Variants in OCA2 observed in about 807,000 individuals in gnomAD.
OCA2 encodes the protein P protein.
OCA2 carries 77 observed loss-of-function variants against 100.2 expected under a neutral mutation model. That is an observed-to-expected ratio of 0.77 (90% confidence interval 0.64 to 0.93). OCA2 has a LOEUF of 0.93. OCA2 is among the 40% of genes least tolerant of loss of function. The pLI is 0.00. For missense variants in OCA2, 1,062 were observed against 1,089.1 expected (o/e 0.98, Z 0.35); for synonymous variants, 432 against 439.2 (o/e 0.98, Z 0.21).
intron 9 of OCA2, among the ~76,000 whole-genome samples, chr15:27,997,163 G>GA (rs1566776331): frequency 1.6e-4 from 22 of 140,456 alleles, no homozygotes; most frequent in African/African-American, 3.7e-4. Context: ...AGAAAGAAAG[G>GA]AAGGAAGGAA....
chr15:27,968,934 C>T (rs2040673167), intron 14 of OCA2, among the ~76,000 whole-genome samples: 1 of 149,170 alleles, frequency 6.7e-6, no homozygotes, highest in Non-Finnish European at 1.5e-5. Flanking sequence ...AAAAGATCCA[C>T]GATACTTTTA....
At chr15:27,893,109 C>A in intron 19 of OCA2, among the ~76,000 whole-genome samples, 1 of 152,170 alleles carries the variant, frequency 6.6e-6, no homozygotes, top group South Asian at 2.1e-4. Context: ...GGTTTTATTG[C>A]AGGAAGTCAG....
chr15:28,021,193 C>T (rs1316412819), intron 6 of OCA2, among the ~76,000 whole-genome samples: 2 of 152,196 alleles, frequency 1.3e-5, no homozygotes, highest in Non-Finnish European at 1.5e-5. Context: ...CAGGACCCTC[C>T]ACGGATGCCC....
intron 19 of OCA2, among the ~76,000 whole-genome samples, chr15:27,923,232 T>C (rs1048473867): frequency 2.0e-5 from 3 of 152,252 alleles, no homozygotes; most frequent in Non-Finnish European, 4.4e-5. Flanking sequence ...TTATCCACTT[T>C]TCTTTATCCA....
chr15:27,815,002 G>A (rs2034242258), intron 23 of OCA2, among the ~76,000 whole-genome samples: 1 of 151,846 alleles, frequency 6.6e-6, no homozygotes, highest in South Asian at 2.1e-4. Flanking sequence ...TTTACCCCAA[G>A]GAAAATAAGG....
chr15:28,068,833 A>C (rs1295612024), intron 2 of OCA2, among the ~76,000 whole-genome samples: 3 of 152,258 alleles, frequency 2.0e-5, no homozygotes, highest in Non-Finnish European at 4.4e-5. Context: ...CAGAATCAAA[A>C]GCAAAACTGT....
chr15:28,051,396 A>C (rs935555351), intron 2 of OCA2, among the ~76,000 whole-genome samples: 70 of 151,954 alleles, frequency 4.6e-4, no homozygotes, highest in African/African-American at 1.6e-3. Flanking sequence ...AGGTTCAAGC[A>C]ATTCTCCTGC....
In OCA2 at chr15:27,843,890, A is replaced by G. The variant is rs546099084; in HGVS notation, c.2432+1069T>C. ...GCAGGGATCGCTGTCTCCACTGGCT[A>G]CAGGGTTCTCTGCCACTCAACCAAA... On this transcript the variant is annotated intron_variant, in intron 23 of 23. Coordinates refer to ENST00000354638, the MANE Select transcript of OCA2 (RefSeq NM_000275.3). Among the ~76,000 whole-genome samples, 3 of 152,258 alleles carry G rather than the reference A, an allele frequency of 2.0e-5. No individual in the cohort carries two copies. In the East Asian group the frequency reaches 5.8e-4, roughly 29 times the overall value.
intron 18 of OCA2, among the ~76,000 whole-genome samples, chr15:27,934,184 G>T (rs560418815): frequency 4.9e-5 from 7 of 143,302 alleles, no homozygotes; most frequent in African/African-American, 1.7e-4. Flanking sequence ...GGAAGATGGG[G>T]TTGGGAAGGA....
chr15:27,885,551 T>C (rs2037188297), intron 19 of OCA2, among the ~76,000 whole-genome samples: 1 of 152,216 alleles, frequency 6.6e-6, no homozygotes, highest in Non-Finnish European at 1.5e-5. Flanking sequence ...AGAAATCTGA[T>C]TAAATATCCT....
At chr15:27,841,685 C>T (rs1267752600) in intron 23 of OCA2, among the ~76,000 whole-genome samples, 1 of 152,088 alleles carries the variant, frequency 6.6e-6, no homozygotes, top group Non-Finnish European at 1.5e-5. Context: ...TCTGTAGATG[C>T]AAGAGAGCTT....
At chr15:27,833,260 C>G (rs2035030679) in intron 23 of OCA2, among the ~76,000 whole-genome samples, 1 of 152,246 alleles carries the variant, frequency 6.6e-6, no homozygotes, top group Admixed American at 6.5e-5. Context: ...TTAGGCCAAG[C>G]TTCCTTTACT....
At chr15:28,068,835 CA>C (rs1378873209) in intron 2 of OCA2, among the ~76,000 whole-genome samples, 1 of 152,156 alleles carries the variant, frequency 6.6e-6, no homozygotes, top group African/African-American at 2.4e-5. Flanking sequence ...GAATCAAAAG[CA>C]AAACTGTATG....
chr15:27,778,484 T>G (rs138640971), intron 23 of OCA2, among the ~76,000 whole-genome samples: 1,595 of 152,312 alleles, frequency 0.01, 16 homozygotes, highest in Non-Finnish European at 0.016. Flanking sequence ...CCCCTTTCCT[T>G]GCACATGGTT....
At chr15:28,034,687 T>C (rs2042998406) in intron 2 of OCA2, among the ~76,000 whole-genome samples, 1 of 152,006 alleles carries the variant, frequency 6.6e-6, no homozygotes, top group Non-Finnish European at 1.5e-5. Flanking sequence ...GTGGAAGGAT[T>C]GATTGCTTGA....
At chr15:28,044,072 C>T (rs2043278628) in intron 2 of OCA2, among the ~76,000 whole-genome samples, 1 of 152,152 alleles carries the variant, frequency 6.6e-6, no homozygotes, top group Admixed American at 6.6e-5. Flanking sequence ...TCCATTTTGC[C>T]AGAGTAGACA....
intron 2 of OCA2, 57 bp downstream of exon 2, chr15:28,081,591 T>C: frequency 2.6e-6 from 4 of 1,539,906 alleles, no homozygotes; most frequent in Non-Finnish European, 3.6e-6. Context: ...ACGATGCTCA[T>C]GGAAACCCAA....
chr15:28,011,966 C>A (rs1467254148), intron 9 of OCA2, among the ~76,000 whole-genome samples: 2 of 149,240 alleles, frequency 1.3e-5, no homozygotes, highest in Non-Finnish European at 3.0e-5. Context: ...GTAATCCCAG[C>A]GCTTTGTCTC....
intron 23 of OCA2, among the ~76,000 whole-genome samples, chr15:27,843,954 A>G (rs2035437294): frequency 6.6e-6 from 1 of 152,174 alleles, no homozygotes; most frequent in Non-Finnish European, 1.5e-5. Flanking sequence ...TGGTTCTGAG[A>G]ACCATCATTG....
Sources: allele counts gnomAD v4.1 joint callset (sites outside exome capture counted in the v4.1 genomes callset), GRCh38; gene constraint gnomAD v4.1.1; transcripts MANE v1.5; gene names NCBI Gene and HGNC (gene_info 2026-07-23, HGNC 2026-07-21).